WBP1: variants seen among roughly 807,000 people sequenced by gnomAD.
WBP1 encodes the protein WW domain binding protein 1.
Under a neutral mutation model 25.6 loss-of-function variants are expected in WBP1, and 18 were observed. That is an observed-to-expected ratio of 0.70 (90% CI 0.49 to 1.04). WBP1 has a LOEUF of 1.04. Ranked by LOEUF, WBP1 falls within the 50% of genes least tolerant of loss-of-function variation. The pLI is 0.00. For synonymous variants in WBP1, 122 were observed against 137.7 expected, an observed-to-expected ratio of 0.89 and a Z score of 0.80; for missense variants, 330 against 352.9, an observed-to-expected ratio of 0.94 and a Z score of 0.52.
chr2:74,460,868 A>G lies in WBP1; in HGVS notation c.*187A>G. The G allele has an allele frequency of 3.2e-6, 2 of 630,460 alleles. No homozygotes were observed. Among genetic ancestry groups the G allele is most frequent in the Non-Finnish European group, 5.6e-6 (2 of 357,842 alleles). The allele number at this position is 630,460 out of a possible 1,614,324, so 39.1% of individuals were successfully genotyped here. A position where few individuals can be genotyped will look rare whatever the true frequency, so the allele number is the denominator to read the frequency against. ...ACACAGGAGCCTTTGATCTCATTAA[A>G]GAGATGTGAACCAGCTACTTGTGGA... On this transcript the variant is annotated 3_prime_UTR_variant, in exon 4 of 4. Coordinates refer to ENST00000233615, the MANE Select transcript of WBP1 (RefSeq NM_012477.4).
chr2:74,458,693 C>T (rs764344750), intron 1 of WBP1, 22 bp downstream of exon 1: 20 of 1,563,712 alleles, frequency 1.3e-5, no homozygotes, highest in Admixed American at 2.0e-5. Context: ...GCTCCAAAAC[C>T]TATCACGACA....
rs369119714 is a variant in WBP1, at chr2:74,459,609, T to TC, written c.70-29dup. The TC allele has an allele frequency of 7.5e-4, 1,206 of 1,604,120 alleles. 6 individuals carry two copies. In the African/African-American group the frequency reaches 0.015, roughly 20 times the overall value. ...GGGTGGACAGTGCCCTGGGCTGGAA[T>TC]CCCCCTTAGTTCTAAGTGCCTCCTT... On this transcript the variant is annotated intron_variant, in intron 1 of 3. Coordinates refer to ENST00000233615, the MANE Select transcript of WBP1 (RefSeq NM_012477.4).
At position 74,459,731 on chromosome 2, in the gene WBP1, A is replaced by G. The variant is rs1339928810; in HGVS notation, c.158A>G (p.Tyr53Cys). The G allele has an allele frequency of 6.2e-7, 1 of 1,613,980 alleles. No homozygotes were observed. The highest frequency in any genetic ancestry group is 8.5e-7 in the Non-Finnish European group (1 of 1,180,002). ...GGGGAGACTGGCTGCTGCACCTACT[A>G]CTATGAGCTCTGGTGTAAGTCTCCA... ...CCGETGCCTY[Y>C]YELWWFWLLW... The change falls in exon 2 of 4, where the codon TAC (tyrosine) becomes TGC (cysteine). Residue 53 changes from tyrosine (Y) to cysteine (C), a missense_variant. Coordinates refer to ENST00000233615, the MANE Select transcript of WBP1 (RefSeq NM_012477.4).
chr2:74,459,053 T>C lies in WBP1; in HGVS notation c.69+382T>C. Reference sequence around the variant, plus strand: ...TTTGGAGAAGAGCTGGAACCCAGACTCGCGCCCTGGATGCCATCCTTTATC... The same window carrying C: ...TTTGGAGAAGAGCTGGAACCCAGACCCGCGCCCTGGATGCCATCCTTTATC... On this transcript the variant is annotated intron_variant, in intron 1 of 3. Transcript: ENST00000233615. The C allele has an allele frequency of 1.9e-6, 3 of 1,550,300 alleles. No homozygotes were observed. In the African/African-American group the frequency reaches 4.1e-5, roughly 21 times the overall value.
rs538409962 is a variant in WBP1 at position 74,460,284 on chromosome 2, C to A, written c.413C>A (p.Pro138His). ...EDVVHRPGTP[P>H]PPYTVAPGRP... is the part of the protein sequence containing the mutation. ...GTGGTTCACCGCCCAGGCACACCAC[C>A]CCCCCCTTATACTGTGGCCCCAGGC... Residue 138 changes from proline to histidine, a missense_variant, in exon 4 of 4, where the codon CCC becomes CAC. Physicochemically the swap from Pro to His is moderately conservative, Grantham distance 77 (BLOSUM62 -2). Transcript: ENST00000233615. The A allele has an allele frequency of 6.2e-6, 10 of 1,613,738 alleles. No individual in the cohort carries two copies. Among genetic ancestry groups the A allele is most frequent in the Admixed American group, 1.7e-5 (1 of 60,004 alleles).
At position 74,460,402 on chromosome 2, in the gene WBP1, C is replaced by T. The variant is rs1671864020; in HGVS notation, c.531C>T (p.Ser177=). 7 of 1,614,044 alleles carry T rather than the reference C, an allele frequency of 4.3e-6. No individual in the cohort carries two copies. Among genetic ancestry groups the T allele is most frequent in the Non-Finnish European group, 5.9e-6 (7 of 1,180,012 alleles). ...AAGGAACAAATGTGGAAGGTGTTTC[C>T]TCCCACCAGAGTGCCCCCCCTCATC... ...HFEGTNVEGV[S]SHQSAPPHQE... is the part of the protein sequence containing the mutation. The change falls in exon 4 of 4, where the codon TCC becomes TCT. Residue 177 remains serine (S), a synonymous_variant. Coordinates refer to ENST00000233615, the MANE Select transcript of WBP1 (RefSeq NM_012477.4).
chr2:74,460,788 G>A lies in WBP1; in HGVS notation c.*107G>A, dbSNP rs1325889336. On this transcript the variant is annotated 3_prime_UTR_variant, in exon 4 of 4. Transcript: ENST00000233615. The stretch of plus-strand genomic sequence containing the variant: ...CTGCCTACCTAGAATCTGCCTGAAA[G>A]GGCTGGAGAGGGGCAGTATTGGGGG... 2 of 995,234 alleles carry A rather than the reference G, an allele frequency of 2.0e-6. No individual in the cohort carries two copies. The highest frequency in any genetic ancestry group is 3.3e-5 in the African/African-American group (2 of 60,754). The allele number at this position is 995,234 out of a possible 1,614,324, so 61.7% of individuals were successfully genotyped here.
Position 74,460,714 on chromosome 2 carries a change from C to T in WBP1, c.*33C>T. On this transcript the variant is annotated 3_prime_UTR_variant, in exon 4 of 4. Coordinates refer to ENST00000233615, the MANE Select transcript of WBP1 (RefSeq NM_012477.4). ...TGAGAGGGTGGATGGGTTACTTGCCCACCAGAAACAGCCCTAGTCCCAACT... is the reference window on the plus strand; with the variant it reads ...TGAGAGGGTGGATGGGTTACTTGCCTACCAGAAACAGCCCTAGTCCCAACT... 1 of 1,509,018 alleles carries T rather than the reference C, an allele frequency of 6.6e-7. No homozygotes were observed. Among genetic ancestry groups the T allele is most frequent in the South Asian group, 1.3e-5 (1 of 76,600 alleles). The allele number at this position is 1,509,018 out of a possible 1,614,324, so 93.5% of individuals were successfully genotyped here.
chr2:74,460,515 A>G lies in WBP1; in HGVS notation c.644A>G (p.Glu215Gly). The stretch of plus-strand genomic sequence containing the variant: ...CGTTTAACTGGCGACTCCGGTATTG[A>G]GCTCTGCCCTTGTCCTGCCTCCGGT... ...YRRLTGDSGIELCPCPASGEG... is the reference protein window; with the variant it reads ...YRRLTGDSGIGLCPCPASGEG... Residue 215 changes from glutamate to glycine, a missense_variant, in exon 4 of 4, where the codon GAG becomes GGG. Coordinates refer to ENST00000233615, the MANE Select transcript of WBP1 (RefSeq NM_012477.4). 2.5e-6 allele frequency: 4 copies of G among 1,613,604 alleles called. No homozygotes were observed. Among genetic ancestry groups the G allele is most frequent in the Non-Finnish European group, 2.5e-6 (3 of 1,179,964 alleles).
At chr2:74,459,126 C>CT (rs1261799197) in intron 1 of WBP1, 2 of 1,540,822 alleles carry the variant, frequency 1.3e-6, no homozygotes, top group African/African-American at 2.7e-5. Context: ...GGGTCTCACA[C>CT]TGCCCCTCCT....
In WBP1 at chr2:74,459,732, C is replaced by T; in HGVS notation, c.159C>T (p.Tyr53=). Residue 53 remains tyrosine (Y), a synonymous_variant, in exon 2 of 4, where the codon TAC becomes TAT. Transcript: ENST00000233615. ...CCGETGCCTY[Y]YELWWFWLLW... is the part of the protein sequence containing the mutation. ...GGGAGACTGGCTGCTGCACCTACTA[C>T]TATGAGCTCTGGTGTAAGTCTCCAA... 1 of 1,614,222 alleles carries T rather than the reference C, an allele frequency of 6.2e-7. No individual in the cohort carries two copies. Among genetic ancestry groups the T allele is most frequent in the Non-Finnish European group, 8.5e-7 (1 of 1,180,030 alleles).
Position 74,460,408 on chromosome 2 carries a change from C to A in WBP1, c.537C>A (p.His179Gln). ...CAAATGTGGAAGGTGTTTCCTCCCA[C>A]CAGAGTGCCCCCCCTCATCAGGAGG... ...EGTNVEGVSS[H>Q]QSAPPHQEGE... The change falls in exon 4 of 4, where the codon CAC becomes CAA. Residue 179 changes from histidine (H) to glutamine (Q), a missense_variant. By Grantham distance (24) the His-to-Gln change is conservative. Transcript: ENST00000233615. 6.2e-7 allele frequency: 1 copy of A among 1,613,930 alleles called. No individual in the cohort carries two copies. Among genetic ancestry groups the A allele is most frequent in the Non-Finnish European group, 8.5e-7 (1 of 1,180,032 alleles).
rs753151746 is a variant in WBP1 at position 74,459,966 on chromosome 2, G to A, written c.266G>A (p.Arg89Gln). 3.7e-6 allele frequency: 6 copies of A among 1,614,152 alleles called. No homozygotes were observed. Among genetic ancestry groups the A allele is most frequent in the East Asian group, 2.2e-5 (1 of 44,878 alleles). Residue 89 changes from arginine (R) to glutamine (Q), a missense_variant, in exon 3 of 4, where the codon CGG (arginine) becomes CAG (glutamine). Arg to Gln is a conservative substitution (Grantham distance 43, BLOSUM62 1). Coordinates refer to ENST00000233615, the MANE Select transcript of WBP1 (RefSeq NM_012477.4). Reference sequence around the variant, plus strand: ...AAACTCAGGCTGCAACAACAGCAGCGGCAGCGTGAAATCAACTTGTTGGCC... The same window carrying A: ...AAACTCAGGCTGCAACAACAGCAGCAGCAGCGTGAAATCAACTTGTTGGCC... ...RAKLRLQQQQRQREINLLAYH... is the reference protein window; with the variant it reads ...RAKLRLQQQQQQREINLLAYH...
At chr2:74,458,750 G>C (rs1671792272) in intron 1 of WBP1, 79 bp downstream of exon 1, 2 of 1,524,492 alleles carry the variant, frequency 1.3e-6, no homozygotes, top group Non-Finnish European at 1.8e-6. Flanking sequence ...TTTGGGGGTG[G>C]GGGAGGAACT....
intron 2 of WBP1, 39 bp downstream of exon 2, chr2:74,459,784 C>T: frequency 6.2e-7 from 1 of 1,613,728 alleles, no homozygotes; most frequent in Non-Finnish European, 8.5e-7. Flanking sequence ...TCCCTGTGTC[C>T]ACCCTCCCTT....
intron 1 of WBP1, chr2:74,459,274 A>C: frequency 2.3e-6 from 2 of 851,870 alleles, no homozygotes; most frequent in Non-Finnish European, 1.6e-6. Context: ...AGATTATCTC[A>C]GACTGTCTTC....
intron 3 of WBP1, 60 bp downstream of exon 3, chr2:74,460,109 A>T: frequency 6.3e-7 from 1 of 1,591,982 alleles, no homozygotes; most frequent in South Asian, 1.1e-5. Flanking sequence ...AGAACCCCAA[A>T]TCGTCTCACA....
chr2:74,460,423 TC>T lies in WBP1; in HGVS notation c.553del (p.His185IlefsTer10). 6.2e-7 allele frequency: 1 copy of T among 1,613,006 alleles called. No individual in the cohort carries two copies. The highest frequency in any genetic ancestry group is 8.5e-7 in the Non-Finnish European group (1 of 1,179,762). On this transcript the variant is annotated frameshift_variant, in exon 4 of 4. Transcript: ENST00000233615. LOFTEE classifies it high-confidence loss of function. Reference protein sequence around the residue: ...GVSSHQSAPPHQEGEPGAGVT... With the variant: ...GVSSHQSAPPXQEGEPGAGVT... The stretch of plus-strand genomic sequence containing the variant: ...TTTCCTCCCACCAGAGTGCCCCCCC[TC>T]ATCAGGAGGGTGAGCCCGGGGCAGG...
chr2:74,458,639 G>C lies in WBP1; in HGVS notation c.37G>C (p.Ala13Pro), dbSNP rs866296740. Residue 13 changes from alanine (A) to proline (P), a missense_variant, in exon 1 of 4, where the codon GCC (alanine) becomes CCC (proline). Transcript: ENST00000233615. Reference protein sequence around the residue: ...RASSGNGSEEAWGALRAPQQQ... With the variant: ...RASSGNGSEEPWGALRAPQQQ... Reference sequence around the variant, plus strand: ...CAGCAGCGGGAACGGCAGCGAGGAGGCCTGGGGGGCACTTCGGGCGCCGCA... The same window carrying C: ...CAGCAGCGGGAACGGCAGCGAGGAGCCCTGGGGGGCACTTCGGGCGCCGCA... 37 of 1,570,972 alleles carry C rather than the reference G, an allele frequency of 2.4e-5. No homozygotes were observed. In the Middle Eastern group the frequency reaches 5.6e-3, roughly 237 times the overall value.
Sources: allele counts gnomAD v4.1 joint callset, GRCh38; gene constraint gnomAD v4.1.1; transcripts MANE v1.5; gene names NCBI Gene and HGNC (gene_info 2026-07-23, HGNC 2026-07-21).